Variants in TTN observed in about 807,000 individuals in gnomAD.
TTN encodes titin.
A neutral mutation model predicts 3,223.0 loss-of-function variants in TTN; 1,525 were observed. That is an observed-to-expected ratio of 0.47 (90% CI 0.45 to 0.49). The LOEUF (loss-of-function observed/expected upper bound fraction) is 0.49. Among genes scored for constraint, TTN ranks in the 20% least tolerant of loss-of-function variants. The probability of loss-of-function intolerance (pLI) is 0.00; values close to 1 mark genes in which losing one functional copy is unlikely to be tolerated. For synonymous variants in TTN, 14,094 were observed against 15,161.0 expected (o/e 0.93, Z 5.17); for missense variants, 40,786 against 43,424.0 (o/e 0.94, Z 5.40).
chr2:178,534,031 T>C lies in TTN; in HGVS notation c.102584A>G (p.Tyr34195Cys). The C allele has an allele frequency of 1.2e-6, 2 of 1,614,012 alleles. No individual in the cohort carries two copies. Among genetic ancestry groups the C allele is most frequent in the East Asian group, 2.2e-5 (1 of 44,886 alleles). ...ITYEDGVAIL[Y>C]VKDITKLDDG... The stretch of plus-strand genomic sequence containing the variant: ...ATCTAATTTGGTAATGTCTTTGACA[T>C]AGAGGATGGCCACTCCATCTTCGTA... The change falls in exon 358 of 363, where the codon TAT (tyrosine) becomes TGT (cysteine). Residue 34195 changes from tyrosine to cysteine, a missense_variant. By Grantham distance (194) the Tyr-to-Cys change is radical. Coordinates refer to ENST00000589042, the MANE Select transcript of TTN (RefSeq NM_001267550.2).
At chr2:178,616,339 T>G in intron 257 of TTN, 140 bp downstream of exon 257, 1 of 1,132,230 alleles carries the variant, frequency 8.8e-7, no homozygotes, top group South Asian at 1.5e-5. Flanking sequence ...CACCGATGCA[T>G]TCTTAAAAAG....
In TTN at chr2:178,533,870, C is replaced by T; in HGVS notation, c.102745G>A (p.Asp34249Asn). The T allele has an allele frequency of 1.2e-6, 2 of 1,613,888 alleles. No individual in the cohort carries two copies. The highest frequency in any genetic ancestry group is 1.7e-6 in the Non-Finnish European group (2 of 1,179,860). The change falls in exon 358 of 363, where the codon GAC becomes AAC. Residue 34249 changes from aspartate (D) to asparagine (N), a missense_variant. By Grantham distance (23) the Asp-to-Asn change is conservative. Coordinates refer to ENST00000589042, the MANE Select transcript of TTN (RefSeq NM_001267550.2). ...GGCCTTTCCAGGAGTCTCATTGTGT[C>T]TGTTCTGCGCTTAATTTTCTTCATG... Reference protein sequence around the residue: ...RTMKKIKRRTDTMRLLERPPE... With the variant: ...RTMKKIKRRTNTMRLLERPPE...
rs756975386 is a variant in TTN at position 178,718,571 on chromosome 2, C to T, written c.24535G>A (p.Asp8179Asn). The T allele has an allele frequency of 1.2e-5, 20 of 1,612,674 alleles. No homozygotes were observed. The highest frequency in any genetic ancestry group is 2.2e-5 in the East Asian group (1 of 44,828). ...GGGCTTCCTGTCTCAACACTGAAAT[C>T]AGCCAATCTTTTCACAAAGGTGGCT... is the stretch of plus-strand genomic sequence containing the variant. ...EPATFVKRLADFSVETGSPIV... is the reference protein window; with the variant it reads ...EPATFVKRLANFSVETGSPIV... The change falls in exon 85 of 363, where the codon GAT becomes AAT. Residue 8179 changes from aspartate to asparagine, a missense_variant. Coordinates refer to ENST00000589042, the MANE Select transcript of TTN (RefSeq NM_001267550.2).
Position 178,607,936 on chromosome 2 carries a change from T to C in TTN, c.52851A>G (p.Ser17617=). The C allele has an allele frequency of 6.2e-7, 1 of 1,613,028 alleles. No homozygotes were observed. The highest frequency in any genetic ancestry group is 8.5e-7 in the Non-Finnish European group (1 of 1,179,296). The change falls in exon 276 of 363, where the codon TCA becomes TCG. Residue 17617 remains serine, a synonymous_variant. Coordinates refer to ENST00000589042, the MANE Select transcript of TTN (RefSeq NM_001267550.2). ...DKQLVGTNEW[S]RCTEKMIKVR... ...CCTTGATCATCTTCTCTGTGCAGCG[T>C]GACCATTCATTTGTGCCAACCAACT...
chr2:178,576,738 C>T lies in TTN; in HGVS notation c.69506G>A (p.Ser23169Asn). 1.2e-6 allele frequency: 2 copies of T among 1,613,514 alleles called. No individual in the cohort carries two copies. The highest frequency in any genetic ancestry group is 1.7e-6 in the Non-Finnish European group (2 of 1,179,622). The change falls in exon 325 of 363, where the codon AGC becomes AAC. Residue 23169 changes from serine (S) to asparagine (N), a missense_variant. Transcript: ENST00000589042. The surrounding 1 kb of genome is among the most constrained non-coding windows in gnomAD (Gnocchi z 4.3). Reference sequence around the variant, plus strand: ...TTCTACATGATATCCTGTAATTTCGCTGCCACCATCATCCACTGGCCTTTT... The same window carrying T: ...TTCTACATGATATCCTGTAATTTCGTTGCCACCATCATCCACTGGCCTTTT... ...SWKRPVDDGG[S>N]EITGYHVERR...
chr2:178,612,640 G>A, intron 265 of TTN, 64 bp from the exon 266 acceptor site: 2 of 1,550,520 alleles, frequency 1.3e-6, no homozygotes, highest in Non-Finnish European at 1.7e-6. Context: ...CAGTCTGAAA[G>A]TGCAGGCAGT....
At chr2:178,606,727 G>A (rs141244152) in intron 278 of TTN, among the ~76,000 whole-genome samples, 1 of 151,980 alleles carries the variant, frequency 6.6e-6, no homozygotes, top group East Asian at 2.0e-4. Context: ...GTGTTCTACT[G>A]GAGAGATATA....
At chr2:178,581,119 C>T (rs1399649057) in intron 316 of TTN, among the ~76,000 whole-genome samples, 1 of 151,852 alleles carries the variant, frequency 6.6e-6, no homozygotes, top group Admixed American at 6.6e-5. Context: ...ATGGAGAGCC[C>T]ACCAGTCACA....
At chr2:178,759,955 T>C (rs2088603911) in intron 43 of TTN, among the ~76,000 whole-genome samples, 2 of 152,230 alleles carry the variant, frequency 1.3e-5, no homozygotes, top group South Asian at 2.1e-4. Context: ...TGTGTTGTAA[T>C]AATTGTAGGT....
intron 327 of TTN, 22 bp downstream of exon 327, chr2:178,558,319 T>C (rs757372460): frequency 6.3e-6 from 10 of 1,594,908 alleles, no homozygotes; most frequent in Non-Finnish European, 7.7e-6. Context: ...CAAATTTTGC[T>C]TCTACACAAA....
intron 15 of TTN, among the ~76,000 whole-genome samples, 185 bp downstream of exon 15, chr2:178,785,435 C>G (rs1048572472): frequency 6.6e-6 from 1 of 152,176 alleles, no homozygotes; most frequent in South Asian, 2.1e-4. Context: ...TCTAGGCTCA[C>G]TCCCCTGGGC....
chr2:178,557,310 C>G lies in TTN; in HGVS notation c.87952G>C (p.Ala29318Pro). Residue 29318 changes from alanine to proline, a missense_variant, in exon 329 of 363, where the codon GCT (alanine) becomes CCT (proline). Transcript: ENST00000589042. The part of the protein sequence containing the change: ...YEFRVYAENA[A>P]GVGKPSHPSE... ...GGATGGCTAGGTTTTCCAACTCCAG[C>G]AGCATTTTCTGCATACACCCTGAAT... is the stretch of plus-strand genomic sequence containing the variant. The G allele has an allele frequency of 6.2e-7, 1 of 1,613,954 alleles. No individual in the cohort carries two copies. The highest frequency in any genetic ancestry group is 8.5e-7 in the Non-Finnish European group (1 of 1,179,868).
chr2:178,536,120 A>G lies in TTN; in HGVS notation c.100627T>C (p.Tyr33543His). Residue 33543 changes from tyrosine (Y) to histidine (H), a missense_variant, in exon 357 of 363, where the codon TAT (tyrosine) becomes CAT (histidine). Physicochemically the swap from Tyr to His is moderately conservative, Grantham distance 83. Transcript: ENST00000589042. Reference protein sequence around the residue: ...GKEIIADGLKYRIQEFKGGYH... With the variant: ...GKEIIADGLKHRIQEFKGGYH... ...CCACCCTTAAATTCTTGAATCCTAT[A>G]TTTTAATCCATCTGCAATGATTTCT... 6.2e-7 allele frequency: 1 copy of G among 1,613,602 alleles called. No individual in the cohort carries two copies. Among genetic ancestry groups the G allele is most frequent in the Non-Finnish European group, 8.5e-7 (1 of 1,179,682 alleles).
intron 121 of TTN, among the ~76,000 whole-genome samples, chr2:178,690,284 T>C (rs1447566319): frequency 3.9e-5 from 6 of 152,210 alleles, no homozygotes; most frequent in Admixed American, 6.5e-5. Context: ...CTTTAGTTTA[T>C]CTAAGACTAT....
At position 178,578,163 on chromosome 2, in the gene TTN, T is replaced by C. The variant is rs772087782; in HGVS notation, c.68352A>G (p.Glu22784=). The C allele has an allele frequency of 2.0e-5, 32 of 1,612,410 alleles. No individual in the cohort carries two copies. Among genetic ancestry groups the C allele is most frequent in the Non-Finnish European group, 2.7e-5 (32 of 1,179,346 alleles). ...CTCTCTTCCACAAAAGGCTGTTTCT[T>C]TCCTTGAACTCGAGATGATACCCTA... ...PITGYHLEFK[E]RNSLLWKRAN... is the part of the protein sequence containing the mutation. Residue 22784 remains glutamate, a synonymous_variant, in exon 322 of 363, where the codon GAA becomes GAG. Coordinates refer to ENST00000589042, the MANE Select transcript of TTN (RefSeq NM_001267550.2).
At chr2:178,637,561 G>C (rs956121019) in intron 223 of TTN, 142 bp from the exon 224 acceptor site, 1 of 408,342 alleles carries the variant, frequency 2.4e-6, no homozygotes, top group Non-Finnish European at 4.2e-6. Flanking sequence ...GACTTCTATG[G>C]ATAATCACAT....
At chr2:178,753,045 T>C in intron 47 of TTN, 79 bp downstream of exon 47, 2 of 1,174,116 alleles carry the variant, frequency 1.7e-6, no homozygotes, top group South Asian at 2.7e-5. Flanking sequence ...TCAATAATAC[T>C]AAGAGAAAGA....
At position 178,594,090 on chromosome 2, in the gene TTN, T is replaced by A; in HGVS notation, c.58303A>T (p.Ile19435Leu). ...ADVLEDDRTH[I>L]KTTPATLALE... ...GCAAGTGTTGCTGGTGTAGTCTTTA[T>A]ATGAGTGCGATCATCTTCCAGCACA... Residue 19435 changes from isoleucine (I) to leucine (L), a missense_variant, in exon 297 of 363, where the codon ATA becomes TTA. Physicochemically the swap from Ile to Leu is conservative, Grantham distance 5. Transcript: ENST00000589042. 6.2e-7 allele frequency: 1 copy of A among 1,613,502 alleles called. No homozygotes were observed. Among genetic ancestry groups the A allele is most frequent in the Non-Finnish European group, 8.5e-7 (1 of 1,179,636 alleles).
rs749240152 is a variant in TTN at position 178,792,077 on chromosome 2, C to T, written c.1657G>A (p.Glu553Lys). The part of the protein sequence containing the change: ...ITKKQKQVTQ[E>K]AIRQETEITA... Reference sequence around the variant, plus strand: ...ATTTAGAAAATCAGACTTACTGCTTCTTGAGTTACTTGTTTCTGTTTCTTA... The same window carrying T: ...ATTTAGAAAATCAGACTTACTGCTTTTTGAGTTACTTGTTTCTGTTTCTTA... The change falls in exon 10 of 363, where the codon GAA becomes AAA. Residue 553 changes from glutamate (E) to lysine (K), a missense_variant. By Grantham distance (56) the Glu-to-Lys change is moderately conservative. Transcript: ENST00000589042. 1 of 1,612,278 alleles carries T rather than the reference C, an allele frequency of 6.2e-7. No individual in the cohort carries two copies. The highest frequency in any genetic ancestry group is 1.7e-5 in the Admixed American group (1 of 59,922).
Sources: allele counts gnomAD v4.1 joint callset (sites outside exome capture counted in the v4.1 genomes callset), GRCh38; gene constraint gnomAD v4.1.1; non-coding constraint Gnocchi (gnomAD v3.1); transcripts MANE v1.5; gene names NCBI Gene and HGNC (gene_info 2026-07-23, HGNC 2026-07-21).